ELAPOR2: variants seen among roughly 807,000 people sequenced by gnomAD.
ELAPOR2 encodes endosome-lysosome associated apoptosis and autophagy regulator family member 2.
A neutral mutation model predicts 120.7 loss-of-function variants in ELAPOR2; 89 were observed. That is an observed-to-expected ratio of 0.74 (90% CI 0.62 to 0.88). The LOEUF (loss-of-function observed/expected upper bound fraction) is 0.88. ELAPOR2 is among the 40% of genes least tolerant of loss of function. The pLI is 0.00. For missense variants in ELAPOR2, 1,134 were observed against 1,251.6 expected (o/e 0.91, Z 1.42); for synonymous variants, 444 against 444.9 (o/e 1.00, Z 0.03).
intron 18 of ELAPOR2, among the ~76,000 whole-genome samples, chr7:86,899,156 C>T (rs968336511): frequency 1.6e-4 from 25 of 152,052 alleles, no homozygotes; most frequent in Admixed American, 9.2e-4. Flanking sequence ...TTCTTTCTAG[C>T]GGGTGTGCCC....
intron 8 of ELAPOR2, among the ~76,000 whole-genome samples, chr7:86,932,452 A>C (rs1281712965): frequency 6.6e-6 from 1 of 151,870 alleles, no homozygotes; most frequent in Non-Finnish European, 1.5e-5. Context: ...GCACCCATTG[A>C]AAGGAAACAT....
chr7:86,915,706 G>A (rs1231862964), intron 12 of ELAPOR2, among the ~76,000 whole-genome samples: 5 of 148,976 alleles, frequency 3.4e-5, no homozygotes, highest in African/African-American at 4.9e-5. Flanking sequence ...CCGGCAATAA[G>A]GTTTCATGAG....
intron 10 of ELAPOR2, among the ~76,000 whole-genome samples, chr7:86,922,063 A>G (rs1164872604): frequency 6.6e-6 from 1 of 152,160 alleles, no homozygotes; most frequent in Admixed American, 6.6e-5. Context: ...TTTCCTATCA[A>G]CCAGGGCATA....
intron 5 of ELAPOR2, among the ~76,000 whole-genome samples, chr7:86,940,971 G>T (rs112207258): frequency 2.6e-5 from 4 of 152,040 alleles, no homozygotes; most frequent in African/African-American, 9.7e-5. Context: ...AGCTGACTGG[G>T]TGTTAAGGTA....
intron 19 of ELAPOR2, among the ~76,000 whole-genome samples, chr7:86,894,665 T>G (rs1048656875): frequency 8.5e-5 from 13 of 152,096 alleles, no homozygotes; most frequent in Admixed American, 7.9e-4. Context: ...TCTATAACTA[T>G]TAATTAGAAA....
At chr7:86,896,012 A>G (rs1431801647) in intron 19 of ELAPOR2, among the ~76,000 whole-genome samples, 1 of 152,184 alleles carries the variant, frequency 6.6e-6, no homozygotes, top group East Asian at 1.9e-4. Context: ...ATTAAAAAGA[A>G]ACTGTCTCAG....
chr7:86,970,596 T>C (rs1792074770), intron 1 of ELAPOR2, among the ~76,000 whole-genome samples: 1 of 152,170 alleles, frequency 6.6e-6, no homozygotes, highest in Non-Finnish European at 1.5e-5. Context: ...TGTGCATGCC[T>C]CATTCTACTA....
intron 2 of ELAPOR2, among the ~76,000 whole-genome samples, chr7:86,954,505 G>A (rs1040217922): frequency 2.6e-5 from 4 of 151,970 alleles, no homozygotes; most frequent in African/African-American, 9.7e-5. Flanking sequence ...ACAGTGAACA[G>A]CAATAGTAAG....
rs141262221 is a variant in ELAPOR2 at position 87,001,344 on chromosome 7, C to A, written c.190-36320G>T. ...CAGACCATTTCACCAGTCACCCCCA[C>A]AATAATCCAAGAAAGCCGTGAGGTC... On this transcript the variant is annotated intron_variant, in intron 1 of 21. Coordinates refer to ENST00000450689, the MANE Select transcript of ELAPOR2 (RefSeq NM_001142749.3). Among the ~76,000 whole-genome samples, 806 of 152,236 alleles carry A rather than the reference C, an allele frequency of 5.3e-3. 6 individuals are homozygous for A. The highest frequency in any genetic ancestry group is 0.014 in the Middle Eastern group (4 of 294).
intron 8 of ELAPOR2, among the ~76,000 whole-genome samples, chr7:86,933,950 G>C (rs1408533165): frequency 6.6e-6 from 1 of 151,936 alleles, no homozygotes; most frequent in African/African-American, 2.4e-5. Flanking sequence ...TTGTATATGT[G>C]CTTGTGTGCA....
At chr7:86,954,399 T>G (rs563029708) in intron 2 of ELAPOR2, among the ~76,000 whole-genome samples, 2 of 152,318 alleles carry the variant, frequency 1.3e-5, no homozygotes, top group East Asian at 3.9e-4. Flanking sequence ...AGACCTCATG[T>G]TTTGAAAGAC....
At chr7:86,939,447 A>T (rs1328215882) in intron 6 of ELAPOR2, among the ~76,000 whole-genome samples, 1 of 152,086 alleles carries the variant, frequency 6.6e-6, no homozygotes, top group Non-Finnish European at 1.5e-5. Context: ...CAAGCCCACA[A>T]TGAACATATT....
At chr7:86,924,919 G>A (rs144320241) in intron 10 of ELAPOR2, among the ~76,000 whole-genome samples, 109 of 152,096 alleles carry the variant, frequency 7.2e-4, no homozygotes, top group African/African-American at 2.3e-3. Flanking sequence ...ATACCTACCC[G>A]TAGCATAAAG....
Position 86,912,226 on chromosome 7 carries a change from C to G in ELAPOR2, c.2015G>C (p.Ser672Thr), listed in dbSNP as rs753982659. The change falls in exon 15 of 22, where the codon AGT becomes ACT. Residue 672 changes from serine (S) to threonine (T), a missense_variant. Physicochemically the swap from Ser to Thr is moderately conservative, Grantham distance 58 (BLOSUM62 1). Transcript: ENST00000450689. ...TTTTTCATGGTAGAAAAAGCAGTCA[C>G]TATAGCAAACCGAATGGTCCTTTGA... ...KNNQDHSVCY[S>T]DCFFYHEKEN... is the part of the protein sequence containing the mutation. 3 of 1,594,778 alleles carry G rather than the reference C, an allele frequency of 1.9e-6. No individual in the cohort carries two copies. Among genetic ancestry groups the G allele is most frequent in the Non-Finnish European group, 2.6e-6 (3 of 1,164,506 alleles).
chr7:86,908,494 C>A lies in ELAPOR2; in HGVS notation c.2409G>T (p.Met803Ile), dbSNP rs376806833. 6.3e-7 allele frequency: 1 copy of A among 1,585,908 alleles called. No individual in the cohort carries two copies. Among genetic ancestry groups the A allele is most frequent in the Non-Finnish European group, 8.6e-7 (1 of 1,165,566 alleles). ...TLKNINIKED[M>I]FPVPTSQIPD... is the part of the protein sequence containing the mutation. Reference sequence around the variant, plus strand: ...GTATTTGGCTTGTTGGAACTGGGAACATATCTTCTTTTATATTAATATTTT... The same window carrying A: ...GTATTTGGCTTGTTGGAACTGGGAAAATATCTTCTTTTATATTAATATTTT... The change falls in exon 17 of 22, where the codon ATG (methionine) becomes ATT (isoleucine). Residue 803 changes from methionine to isoleucine, a missense_variant. By Grantham distance (10) the Met-to-Ile change is conservative (BLOSUM62 1). Transcript: ENST00000450689.
intron 1 of ELAPOR2, among the ~76,000 whole-genome samples, chr7:86,973,000 A>G (rs146209864): frequency 2.0e-4 from 30 of 152,290 alleles, no homozygotes; most frequent in Non-Finnish European, 7.3e-5. Context: ...TGTCCACAGT[A>G]TGGTCCCACA....
At chr7:86,914,644 G>C in intron 13 of ELAPOR2, 79 bp downstream of exon 13, 2 of 1,205,296 alleles carry the variant, frequency 1.7e-6, no homozygotes, top group Non-Finnish European at 2.3e-6. Flanking sequence ...CCAAATTTGA[G>C]TTATCACTTT....
rs1584342124 is a variant in ELAPOR2, at chr7:86,913,165, T to C, written c.1771A>G (p.Ile591Val). ...FINDMVKIYS[I>V]TATNAVDGVA... is the part of the protein sequence containing the mutation. ...CCATCAACTGCATTAGTGGCTGTGA[T>C]AGAATAAATCTTCACCATGTCATTG... The change falls in exon 14 of 22, where the codon ATC (isoleucine) becomes GTC (valine). Residue 591 changes from isoleucine (I) to valine (V), a missense_variant. Physicochemically the swap from Ile to Val is conservative, Grantham distance 29 (BLOSUM62 3). Coordinates refer to ENST00000450689, the MANE Select transcript of ELAPOR2 (RefSeq NM_001142749.3). 1.2e-6 allele frequency: 2 copies of C among 1,614,034 alleles called. No individual in the cohort carries two copies. Among genetic ancestry groups the C allele is most frequent in the East Asian group, 2.2e-5 (1 of 44,840 alleles).
intron 1 of ELAPOR2, among the ~76,000 whole-genome samples, chr7:87,027,286 T>C (rs1194848431): frequency 2.0e-5 from 3 of 152,148 alleles, no homozygotes; most frequent in Non-Finnish European, 4.4e-5. Context: ...ATATTCATTA[T>C]AATTTGGCAA....
Sources: gnomAD v4.1 joint callset for allele counts (sites outside exome capture counted in the v4.1 genomes callset) on GRCh38, gnomAD v4.1.1 for gene constraint, MANE v1.5 for transcripts, NCBI Gene and HGNC (gene_info 2026-07-23, HGNC 2026-07-21) for gene names.